Variants in GSG1L observed in about 807,000 individuals in gnomAD.
GSG1L encodes the protein GSG1 like.
GSG1L carries 24 observed loss-of-function variants against 42.1 expected under a neutral mutation model. The ratio of observed to expected loss-of-function variants is 0.57; its 90% CI spans 0.41 to 0.80. The LOEUF (loss-of-function observed/expected upper bound fraction) is 0.80. GSG1L is among the 30% of genes least tolerant of loss of function. The pLI, the probability that GSG1L is intolerant of heterozygous loss-of-function variation, is 0.00. For missense variants in GSG1L, 445 were observed against 472.2 expected, an observed-to-expected ratio of 0.94 and a Z score of 0.53; for synonymous variants, 215 against 203.5, an observed-to-expected ratio of 1.06 and a Z score of -0.48.
intron 5 of GSG1L, among the ~76,000 whole-genome samples, chr16:27,826,339 A>C (rs1445424640): frequency 6.6e-6 from 1 of 152,074 alleles, no homozygotes; most frequent in Admixed American, 6.6e-5. Context: ...GGCCCCACAG[A>C]CAGTCCAGCT....
At position 27,876,635 on chromosome 16, in the gene GSG1L, C is replaced by T. The variant is rs955949469; in HGVS notation, c.550+7851G>A. On this transcript the variant is annotated intron_variant, in intron 3 of 6. Coordinates refer to ENST00000447459, the MANE Select transcript of GSG1L (RefSeq NM_001109763.2). ...GAGTTGCACTGTGCCTGCTCACAAC[C>T]TAGTTCCCGAGGATGTGAGTATAGG... 3.3e-5 allele frequency among the ~76,000 whole-genome samples: 5 copies of T among 152,212 alleles called. No homozygotes were observed. The East Asian group carries it at 9.6e-4, about 29-fold the overall frequency.
chr16:27,958,508 A>G (rs1019319992), intron 2 of GSG1L, among the ~76,000 whole-genome samples: 2 of 152,112 alleles, frequency 1.3e-5, no homozygotes, highest in African/African-American at 4.8e-5. Flanking sequence ...ATGTACTGAC[A>G]TGAATAGCAA....
At chr16:27,990,386 C>T (rs975971133) in intron 1 of GSG1L, among the ~76,000 whole-genome samples, 9 of 152,104 alleles carry the variant, frequency 5.9e-5, no homozygotes, top group African/African-American at 1.9e-4. Flanking sequence ...CATACATTCA[C>T]TAAGAATACG....
chr16:27,807,533 G>T lies in GSG1L; in HGVS notation c.852C>A (p.Ser284Arg). 6.2e-7 allele frequency: 1 copy of T among 1,612,098 alleles called. No individual in the cohort carries two copies. The highest frequency in any genetic ancestry group is 8.5e-7 in the Non-Finnish European group (1 of 1,179,798). ...FRERMEKRDG[S>R]EEDFHLDCRH... The stretch of plus-strand genomic sequence containing the variant: ...GGCAGTCTAAGTGAAAGTCCTCCTC[G>T]CTCCCGTCCCTCTTCTCCATCCTGG... The change falls in exon 6 of 7, where the codon AGC (serine) becomes AGA (arginine). Residue 284 changes from serine to arginine, a missense_variant. Ser to Arg is a moderately radical substitution (Grantham distance 110). Transcript: ENST00000447459.
intron 6 of GSG1L, among the ~76,000 whole-genome samples, chr16:27,800,070 G>T (rs2082864469): frequency 6.6e-6 from 1 of 152,156 alleles, no homozygotes; most frequent in South Asian, 2.1e-4. Context: ...ATGTGTCTCT[G>T]ATGCTCCTGT....
At chr16:27,878,930 G>C (rs914965438) in intron 3 of GSG1L, among the ~76,000 whole-genome samples, 1 of 152,216 alleles carries the variant, frequency 6.6e-6, no homozygotes, top group Non-Finnish European at 1.5e-5. Flanking sequence ...GGAAGCATCA[G>C]GGGTAAGGGG....
intron 2 of GSG1L, among the ~76,000 whole-genome samples, chr16:27,910,782 G>C (rs571084039): frequency 6.6e-6 from 1 of 152,212 alleles, no homozygotes; most frequent in Admixed American, 6.5e-5. Context: ...GGGAGGCCAA[G>C]GCAGCAGGAT....
chr16:27,991,906 T>A (rs768389048), intron 1 of GSG1L, among the ~76,000 whole-genome samples: 1 of 152,088 alleles, frequency 6.6e-6, no homozygotes, highest in Non-Finnish European at 1.5e-5. Context: ...CCAAGCGTCT[T>A]CTCTCCAGAC....
chr16:27,929,561 A>T (rs1297151420), intron 2 of GSG1L, among the ~76,000 whole-genome samples: 1 of 152,254 alleles, frequency 6.6e-6, no homozygotes, highest in Non-Finnish European at 1.5e-5. Context: ...GAACTGCAAC[A>T]TCAAAAGGTG....
At chr16:27,921,440 A>G (rs892088271) in intron 2 of GSG1L, among the ~76,000 whole-genome samples, 1 of 152,224 alleles carries the variant, frequency 6.6e-6, no homozygotes, top group Non-Finnish European at 1.5e-5. Context: ...TTTAAACTCC[A>G]TAGCCTTATA....
chr16:27,883,739 C>T (rs1292290654), intron 3 of GSG1L, among the ~76,000 whole-genome samples: 3 of 152,316 alleles, frequency 2.0e-5, no homozygotes, highest in Non-Finnish European at 4.4e-5. Context: ...AGTTTATAGG[C>T]TTCCTTTATT....
chr16:28,051,010 A>G (rs2086216881), intron 1 of GSG1L, among the ~76,000 whole-genome samples: 1 of 152,172 alleles, frequency 6.6e-6, no homozygotes, highest in Non-Finnish European at 1.5e-5. Flanking sequence ...GCTCCATGAA[A>G]CTAAAACCCT....
intron 5 of GSG1L, among the ~76,000 whole-genome samples, chr16:27,810,308 G>A (rs768123078): frequency 1.3e-5 from 2 of 152,042 alleles, no homozygotes; most frequent in African/African-American, 2.4e-5. Context: ...GTGAAATCCC[G>A]TCTCTACAAA....
chr16:27,851,237 C>T (rs933839424), intron 3 of GSG1L, among the ~76,000 whole-genome samples: 1 of 152,130 alleles, frequency 6.6e-6, no homozygotes, highest in Non-Finnish European at 1.5e-5. Flanking sequence ...CGCTCTGTTG[C>T]CCGGGCTGGA....
intron 1 of GSG1L, among the ~76,000 whole-genome samples, chr16:27,986,189 T>C (rs1324179842): frequency 2.0e-5 from 3 of 152,128 alleles, no homozygotes; most frequent in Non-Finnish European, 4.4e-5. Flanking sequence ...CTCCTTTCTT[T>C]GCATGTTTAG....
intron 1 of GSG1L, among the ~76,000 whole-genome samples, chr16:27,990,690 A>C (rs1234283033): frequency 6.6e-6 from 1 of 152,250 alleles, no homozygotes; most frequent in Non-Finnish European, 1.5e-5. Flanking sequence ...GTTTAGGCAC[A>C]TTTTGATGAC....
chr16:27,860,019 C>CA (rs547164082), intron 3 of GSG1L, among the ~76,000 whole-genome samples: 30 of 127,728 alleles, frequency 2.3e-4, no homozygotes, highest in Non-Finnish European at 4.3e-4. Context: ...GTGACTCTGG[C>CA]AGGTGCTCCC....
chr16:27,952,465 G>A (rs2084960489), intron 2 of GSG1L, among the ~76,000 whole-genome samples: 1 of 152,200 alleles, frequency 6.6e-6, no homozygotes, highest in Non-Finnish European at 1.5e-5. Context: ...GGTGGTAAAG[G>A]CAAGTCAGGC....
intron 2 of GSG1L, among the ~76,000 whole-genome samples, chr16:27,958,715 G>A (rs1335989368): frequency 1.3e-5 from 2 of 151,952 alleles, no homozygotes; most frequent in Admixed American, 6.6e-5. Flanking sequence ...TTGCTCTGTT[G>A]CCCAGGCTGG....
Sources: gnomAD v4.1 joint callset for allele counts (sites outside exome capture counted in the v4.1 genomes callset) on GRCh38, gnomAD v4.1.1 for gene constraint, MANE v1.5 for transcripts, NCBI Gene and HGNC (gene_info 2026-07-23, HGNC 2026-07-21) for gene names.